Variants in HHAT observed in about 807,000 individuals in gnomAD.
HHAT encodes the protein protein-cysteine N-palmitoyltransferase HHAT.
Under a neutral mutation model 70.8 loss-of-function variants are expected in HHAT, and 47 were observed. The observed-to-expected ratio is 0.66, with a 90% CI of 0.53 to 0.85. The LOEUF (loss-of-function observed/expected upper bound fraction) is 0.85, where lower values mean the gene tolerates loss of function less well. Among genes scored for constraint, HHAT ranks in the 40% least tolerant of loss-of-function variants. HHAT has a pLI of 0.00. For missense variants in HHAT, 609 were observed against 604.8 expected (o/e 1.01, Z -0.07); for synonymous variants, 228 against 247.6 (o/e 0.92, Z 0.74).
intron 10 of HHAT, chr1:210,590,052 A>G (rs1661315436): frequency 6.6e-6 from 1 of 152,192 alleles, no homozygotes; most frequent in South Asian, 2.1e-4. Flanking sequence ...CCTTGAGTAC[A>G]TGGCCAGGTT....
chr1:210,642,144 A>G (rs977535790), intron 11 of HHAT, among the ~76,000 whole-genome samples: 2 of 152,196 alleles, frequency 1.3e-5, no homozygotes, highest in Non-Finnish European at 2.9e-5. Flanking sequence ...CATCCATCAC[A>G]TTAAAGCAGA....
intron 1 of HHAT, chr1:210,329,403 T>A: frequency 8.9e-7 from 1 of 1,124,000 alleles, no homozygotes; most frequent in Non-Finnish European, 1.1e-6. Flanking sequence ...CCGGAACTGC[T>A]GCGGGGAGTT....
At chr1:210,465,359 G>T (rs552563447) in intron 8 of HHAT, among the ~76,000 whole-genome samples, 1 of 152,046 alleles carries the variant, frequency 6.6e-6, no homozygotes, top group African/African-American at 2.4e-5. Context: ...TGTTTTCTAC[G>T]TGATGGACTT....
At chr1:210,425,186 C>G (rs1373571197) in intron 7 of HHAT, among the ~76,000 whole-genome samples, 1 of 152,042 alleles carries the variant, frequency 6.6e-6, no homozygotes, top group African/African-American at 2.4e-5. Context: ...TTGCCCATTA[C>G]TTAATGAGAT....
At chr1:210,584,282 ATCTCT>A (rs1477191540) in intron 9 of HHAT, among the ~76,000 whole-genome samples, 1 of 151,944 alleles carries the variant, frequency 6.6e-6, no homozygotes, top group Non-Finnish European at 1.5e-5. Context: ...TAAAAAAAAA[ATCTCT>A]TCTCTTGGGT....
chr1:210,616,007 G>A (rs989337271), intron 10 of HHAT, among the ~76,000 whole-genome samples: 1 of 152,292 alleles, frequency 6.6e-6, no homozygotes, highest in African/African-American at 2.4e-5. Flanking sequence ...CTATACTCAC[G>A]CTGGGAGCTG....
intron 7 of HHAT, among the ~76,000 whole-genome samples, chr1:210,422,201 TACAA>T (rs780148847): frequency 1.3e-5 from 2 of 152,238 alleles, no homozygotes; most frequent in African/African-American, 2.4e-5. Context: ...TTTTGATACA[TACAA>T]TGTATGGTGA....
Position 210,404,413 on chromosome 1 carries a change from C to T in HHAT, c.469-51C>T, listed in dbSNP as rs369663057. On this transcript the variant is annotated intron_variant, in intron 5 of 11. Coordinates refer to ENST00000261458, the MANE Select transcript of HHAT (RefSeq NM_018194.6). The stretch of plus-strand genomic sequence containing the variant: ...GGCCAGCACCTGCAGTGGGACTGGA[C>T]GATGTCCCTGCTGGCCACTCAAAGG... 153 of 1,430,510 alleles carry T rather than the reference C, an allele frequency of 1.1e-4. No individual in the cohort carries two copies. The African/African-American group carries it at 1.6e-3, about 15-fold the overall frequency. 88.6% of individuals were successfully genotyped at this position (1,430,510 alleles called of 1,614,324 possible). A position where few individuals can be genotyped will look rare whatever the true frequency, so the allele number is the denominator to read the frequency against.
At chr1:210,649,977 T>A (rs889523527) in intron 11 of HHAT, among the ~76,000 whole-genome samples, 4 of 152,198 alleles carry the variant, frequency 2.6e-5, no homozygotes, top group Non-Finnish European at 4.4e-5. Flanking sequence ...TCAGGAAAGC[T>A]TTTTGGATTT....
chr1:210,647,452 G>A (rs1674291057), intron 11 of HHAT, among the ~76,000 whole-genome samples: 1 of 152,082 alleles, frequency 6.6e-6, no homozygotes, highest in Non-Finnish European at 1.5e-5. Context: ...CTCCAGCCAG[G>A]ATGCCTATCT....
chr1:210,435,976 T>G (rs2093365754), intron 7 of HHAT, among the ~76,000 whole-genome samples: 1 of 151,878 alleles, frequency 6.6e-6, no homozygotes, highest in Non-Finnish European at 1.5e-5. Flanking sequence ...ATACAATCCA[T>G]TTATCTATTT....
At chr1:210,393,518 A>G (rs1006982293) in intron 4 of HHAT, among the ~76,000 whole-genome samples, 4 of 152,032 alleles carry the variant, frequency 2.6e-5, no homozygotes, top group African/African-American at 9.7e-5. Context: ...TTACTATGGG[A>G]GAAGGTGTAG....
chr1:210,661,798 G>A (rs959208898), intron 11 of HHAT, among the ~76,000 whole-genome samples: 9 of 151,768 alleles, frequency 5.9e-5, no homozygotes, highest in South Asian at 2.1e-4. Flanking sequence ...AACTATCACC[G>A]TAAACACCAC....
intron 9 of HHAT, among the ~76,000 whole-genome samples, chr1:210,520,258 A>T (rs1200125962): frequency 1.3e-5 from 2 of 151,688 alleles, no homozygotes; most frequent in Non-Finnish European, 2.9e-5. Context: ...CTCGTGATCC[A>T]CCCACCTCAG....
At chr1:210,623,188 T>C (rs1669195574) in intron 10 of HHAT, among the ~76,000 whole-genome samples, 1 of 152,112 alleles carries the variant, frequency 6.6e-6, no homozygotes, top group Non-Finnish European at 1.5e-5. Flanking sequence ...CCTCCCACCT[T>C]AGCCTCCCGA....
At chr1:210,490,921 T>C (rs570946869) in intron 8 of HHAT, among the ~76,000 whole-genome samples, 1 of 152,034 alleles carries the variant, frequency 6.6e-6, no homozygotes, top group South Asian at 2.1e-4. Context: ...AAGACAAAAA[T>C]AACACATTGT....
chr1:210,403,743 G>T (rs1333542601), intron 5 of HHAT, among the ~76,000 whole-genome samples: 9 of 152,100 alleles, frequency 5.9e-5, no homozygotes, highest in Non-Finnish European at 1.2e-4. Flanking sequence ...GGAAAATGTA[G>T]AAAAATATAG....
chr1:210,538,557 G>C (rs2095397654), intron 9 of HHAT, among the ~76,000 whole-genome samples: 1 of 152,086 alleles, frequency 6.6e-6, no homozygotes, highest in Non-Finnish European at 1.5e-5. Context: ...GTTCTCTTTG[G>C]AGAACATGAA....
At chr1:210,466,596 C>A (rs1317634844) in intron 8 of HHAT, among the ~76,000 whole-genome samples, 4 of 152,090 alleles carry the variant, frequency 2.6e-5, no homozygotes, top group African/African-American at 9.7e-5. Flanking sequence ...AAGCACATAC[C>A]CCTAAAAGGC....
Sources: gnomAD v4.1 joint callset for allele counts (sites outside exome capture counted in the v4.1 genomes callset) on GRCh38, gnomAD v4.1.1 for gene constraint, MANE v1.5 for transcripts, NCBI Gene and HGNC (gene_info 2026-07-23, HGNC 2026-07-21) for gene names.